Variants in JAK2 observed in about 807,000 individuals in gnomAD.
JAK2 encodes tyrosine-protein kinase JAK2.
Under a neutral mutation model 139.3 loss-of-function variants are expected in JAK2, and 86 were observed. The observed-to-expected ratio is 0.62, with a 90% CI of 0.52 to 0.74. The LOEUF (loss-of-function observed/expected upper bound fraction) is 0.74, where lower values mean the gene tolerates loss of function less well. Among genes scored for constraint, JAK2 ranks in the 30% least tolerant of loss-of-function variants. JAK2 has a pLI of 0.00. For missense variants in JAK2, 1,421 were observed against 1,360.3 expected (o/e 1.04, Z -0.70); for synonymous variants, 490 against 437.7 (o/e 1.12, Z -1.49).
At position 5,112,650 on chromosome 9, in the gene JAK2, A is replaced by G. The variant is rs1225598756; in HGVS notation, c.3060-10354A>G. ...CTCAACAGCGAGAAGCCCCAGACCAAACTCCTTATCCTGCACCAGGCCGTC... is the reference window on the plus strand; with the variant it reads ...CTCAACAGCGAGAAGCCCCAGACCAGACTCCTTATCCTGCACCAGGCCGTC... On this transcript the variant is annotated intron_variant, in intron 22 of 24. Transcript: ENST00000381652. 5 of 1,006,386 alleles carry G rather than the reference A, an allele frequency of 5.0e-6. No homozygotes were observed. The East Asian group carries it at 8.5e-5, about 17-fold the overall frequency. The allele number at this position is 1,006,386 out of a possible 1,614,324, so 62.3% of individuals were successfully genotyped here. A position where few individuals can be genotyped will look rare whatever the true frequency, so the allele number is the denominator to read the frequency against.
intron 7 of JAK2, among the ~76,000 whole-genome samples, chr9:5,055,210 C>G (rs756213649): frequency 3.3e-5 from 5 of 151,938 alleles, no homozygotes; most frequent in Non-Finnish European, 7.4e-5. Flanking sequence ...AACTTGTTAA[C>G]TAGAAAAGAT....
Position 5,021,979 on chromosome 9 carries a change from A to G in JAK2, c.-9A>G. 6.2e-7 allele frequency: 1 copy of G among 1,601,228 alleles called. No homozygotes were observed. The highest frequency in any genetic ancestry group is 8.6e-7 in the Non-Finnish European group (1 of 1,168,752). On this transcript the variant is annotated 5_prime_UTR_variant, in exon 3 of 25. Transcript: ENST00000381652. ...CTCTTACAGGCAAATGTTCTGAAAA[A>G]GACTCTGCATGGGAATGGCCTGCCT...
chr9:5,092,866 C>A (rs1394307459), intron 22 of JAK2, among the ~76,000 whole-genome samples: 1 of 152,126 alleles, frequency 6.6e-6, no homozygotes, highest in Non-Finnish European at 1.5e-5. Context: ...TACTTAATGT[C>A]CCTGTAAGTT....
At chr9:5,101,757 C>G (rs925885048) in intron 22 of JAK2, among the ~76,000 whole-genome samples, 16 of 152,224 alleles carry the variant, frequency 1.1e-4, no homozygotes, top group Admixed American at 1.3e-4. Context: ...CCGAGGCAAA[C>G]AGAGTCTGGA....
At chr9:5,065,167 G>C (rs1415330595) in intron 9 of JAK2, 127 bp downstream of exon 9, 5 of 505,114 alleles carry the variant, frequency 9.9e-6, no homozygotes, top group Non-Finnish European at 1.3e-5. Context: ...TAAACAAAAG[G>C]CTATTTGCAA....
At position 5,054,307 on chromosome 9, in the gene JAK2, A is replaced by G. The variant is rs1817612822; in HGVS notation, c.615-256A>G. On this transcript the variant is annotated intron_variant, in intron 6 of 24. Coordinates refer to ENST00000381652, the MANE Select transcript of JAK2 (RefSeq NM_004972.4). This position sits in a 1 kb window ranked among gnomAD's most constrained non-coding sequence, Gnocchi z 4.9. ...AACTAGACTGAGGATTCATTTCATTAGGGGAAGAAGATTAACATCTTCTTT... is the reference window on the plus strand; with the variant it reads ...AACTAGACTGAGGATTCATTTCATTGGGGGAAGAAGATTAACATCTTCTTT... Among the ~76,000 whole-genome samples the G allele has an allele frequency of 6.6e-6, 1 of 152,070 alleles. No homozygotes were observed. Among genetic ancestry groups the G allele is most frequent in the South Asian group, 2.1e-4 (1 of 4,830 alleles).
chr9:5,123,033 A>G lies in JAK2; in HGVS notation c.3089A>G (p.Lys1030Arg), dbSNP rs766271417. The G allele has an allele frequency of 2.5e-6, 4 of 1,611,310 alleles. No individual in the cohort carries two copies. The East Asian group carries it at 8.9e-5, about 36-fold the overall frequency. Residue 1030 changes from lysine (K) to arginine (R), a missense_variant, in exon 23 of 25, where the codon AAG becomes AGG. Physicochemically the swap from Lys to Arg is conservative, Grantham distance 26. Transcript: ENST00000381652. ...WYAPESLTES[K>R]FSVASDVWSF... ...GCTCCAGAATCACTGACAGAGAGCA[A>G]GTTTTCTGTGGCCTCAGATGTTTGG...
chr9:5,099,799 A>G (rs964787918), intron 22 of JAK2: 40 of 152,220 alleles, frequency 2.6e-4, no homozygotes, highest in African/African-American at 9.4e-4. Context: ...CACTGCCTCA[A>G]CCAACCTCCT....
At chr9:5,103,180 A>G (rs192289218) in intron 22 of JAK2, among the ~76,000 whole-genome samples, 23 of 143,750 alleles carry the variant, frequency 1.6e-4, no homozygotes, top group African/African-American at 6.0e-4. Flanking sequence ...CATGGGCTCA[A>G]AATAAAGGGA....
chr9:5,105,415 G>C (rs1821872906), intron 22 of JAK2, among the ~76,000 whole-genome samples: 1 of 152,130 alleles, frequency 6.6e-6, no homozygotes, highest in East Asian at 1.9e-4. Context: ...AAATACAAGA[G>C]GACACAAACA....
intron 2 of JAK2, among the ~76,000 whole-genome samples, chr9:5,008,091 C>A (rs1821438710): frequency 6.6e-6 from 1 of 152,230 alleles, no homozygotes; most frequent in African/African-American, 2.4e-5. Flanking sequence ...AATGGTGAAG[C>A]TGAGTTTCAC....
chr9:5,031,723 A>T (rs568395653), intron 4 of JAK2, among the ~76,000 whole-genome samples: 1 of 152,250 alleles, frequency 6.6e-6, no homozygotes, highest in African/African-American at 2.4e-5. Context: ...ATTGTCAACT[A>T]TAAAAATTTT....
At chr9:5,093,023 C>A (rs1427197785) in intron 22 of JAK2, among the ~76,000 whole-genome samples, 1 of 152,152 alleles carries the variant, frequency 6.6e-6, no homozygotes, top group Non-Finnish European at 1.5e-5. Flanking sequence ...ATCTTAAATT[C>A]TAATCACTCT....
intron 22 of JAK2, among the ~76,000 whole-genome samples, chr9:5,096,221 C>T (rs557271195): frequency 1.3e-5 from 2 of 152,280 alleles, no homozygotes; most frequent in South Asian, 2.1e-4. Flanking sequence ...ATTTCTTCTA[C>T]CTTCCTCTTA....
chr9:5,042,624 C>T (rs560488455), intron 4 of JAK2, among the ~76,000 whole-genome samples: 5 of 137,182 alleles, frequency 3.6e-5, no homozygotes, highest in African/African-American at 1.2e-4. Flanking sequence ...CCCCCGTTAG[C>T]GTCATAAAGT....
intron 22 of JAK2, chr9:5,112,440 G>C: frequency 1.9e-6 from 1 of 525,514 alleles, no homozygotes; most frequent in Non-Finnish European, 3.5e-6. Context: ...CCACTCAAGA[G>C]GAGAAGAAGG....
upstream of JAK2, chr9:4,984,863 C>T (rs1469460767): frequency 6.6e-6 from 1 of 152,280 alleles, no homozygotes; most frequent in African/African-American, 2.4e-5. Context: ...TAGCTCCAGC[C>T]GGGCACCAGC....
At chr9:5,034,922 C>A (rs934806331) in intron 4 of JAK2, among the ~76,000 whole-genome samples, 4 of 151,980 alleles carry the variant, frequency 2.6e-5, no homozygotes, top group Non-Finnish European at 5.9e-5. Context: ...GACAAAAAAC[C>A]CTTCAAAAAA....
chr9:5,118,319 A>G (rs1823360917), intron 22 of JAK2, among the ~76,000 whole-genome samples: 1 of 152,206 alleles, frequency 6.6e-6, no homozygotes, highest in African/African-American at 2.4e-5. Context: ...AATTTTGCAT[A>G]ATATGTTACA....
Sources: gnomAD v4.1 joint callset for allele counts (sites outside exome capture counted in the v4.1 genomes callset) on GRCh38, gnomAD v4.1.1 for gene constraint, Gnocchi (gnomAD v3.1) non-coding constraint, MANE v1.5 for transcripts, NCBI Gene and HGNC (gene_info 2026-07-23, HGNC 2026-07-21) for gene names.